Variants in PTPRD observed in about 807,000 individuals in gnomAD.
The protein encoded by PTPRD is protein tyrosine phosphatase receptor type D, also known as receptor-type tyrosine-protein phosphatase delta.
PTPRD carries 34 observed loss-of-function variants against 214.5 expected under a neutral mutation model. The ratio of observed to expected loss-of-function variants is 0.16; its 90% CI spans 0.12 to 0.21. PTPRD has a LOEUF of 0.21. Among genes scored for constraint, PTPRD ranks in the 10% least tolerant of loss-of-function variants. The pLI is 1.00. For missense variants in PTPRD, 2,545 were observed against 2,398.7 expected (o/e 1.06, Z -1.27); for synonymous variants, 1,128 against 845.7 (o/e 1.33, Z -5.79).
At chr9:8,347,248 A>G (rs2074103674) in intron 39 of PTPRD, among the ~76,000 whole-genome samples, 1 of 152,124 alleles carries the variant, frequency 6.6e-6, no homozygotes, top group Admixed American at 6.5e-5. Flanking sequence ...TTACCAGCAC[A>G]TATGACTATG....
intron 7 of PTPRD, among the ~76,000 whole-genome samples, chr9:9,730,904 CT>C (rs144462110): frequency 0.016 from 2,449 of 152,208 alleles, 35 homozygotes; most frequent in Middle Eastern, 0.027. Flanking sequence ...TTCAAATTCT[CT>C]TTGAGTGTAC....
chr9:10,241,772 A>C (rs1465600910), intron 3 of PTPRD, among the ~76,000 whole-genome samples: 1 of 151,942 alleles, frequency 6.6e-6, no homozygotes, highest in Non-Finnish European at 1.5e-5. Context: ...TGTGGGTATA[A>C]TTTCATAAAT....
intron 4 of PTPRD, among the ~76,000 whole-genome samples, chr9:10,022,430 T>C (rs2096841428): frequency 6.6e-6 from 1 of 150,730 alleles, no homozygotes; most frequent in South Asian, 2.1e-4. Flanking sequence ...GTTTGTTGAA[T>C]GAAAGCAACA....
At chr9:10,324,252 G>A (rs1597129138) in intron 3 of PTPRD, among the ~76,000 whole-genome samples, 2 of 151,994 alleles carry the variant, frequency 1.3e-5, no homozygotes, top group Admixed American at 1.3e-4. Flanking sequence ...TAGATGCTTT[G>A]ATAGCCCACC....
chr9:9,845,399 G>C (rs970163727), intron 5 of PTPRD, among the ~76,000 whole-genome samples: 8 of 151,556 alleles, frequency 5.3e-5, no homozygotes, highest in Admixed American at 2.0e-4. Flanking sequence ...TTGAAGGCAA[G>C]GACCACCAGG....
intron 8 of PTPRD, among the ~76,000 whole-genome samples, chr9:9,406,016 G>T (rs1267854637): frequency 6.6e-6 from 1 of 151,970 alleles, no homozygotes; most frequent in South Asian, 2.1e-4. Flanking sequence ...CATTAAAAAT[G>T]TATTATTTGG....
At chr9:10,046,952 T>C (rs1024703984) in intron 3 of PTPRD, among the ~76,000 whole-genome samples, 1 of 151,998 alleles carries the variant, frequency 6.6e-6, no homozygotes, top group Non-Finnish European at 1.5e-5. Flanking sequence ...AAATATTTTA[T>C]TGATAATAAG....
At chr9:9,074,782 G>A (rs1020019124) in intron 10 of PTPRD, among the ~76,000 whole-genome samples, 3 of 150,656 alleles carry the variant, frequency 2.0e-5, no homozygotes, top group African/African-American at 4.9e-5. Context: ...TGAGATGTAC[G>A]GTTTGCAAAT....
intron 10 of PTPRD, among the ~76,000 whole-genome samples, chr9:9,070,447 T>C (rs1569526736): frequency 6.6e-6 from 1 of 152,326 alleles, no homozygotes; most frequent in East Asian, 1.9e-4. Context: ...TCAAAGACTT[T>C]AAGTTGACCC....
intron 5 of PTPRD, among the ~76,000 whole-genome samples, chr9:9,880,850 AT>A (rs1413596363): frequency 1.3e-5 from 2 of 151,200 alleles, no homozygotes; most frequent in African/African-American, 2.4e-5. Context: ...CTGGTCATTT[AT>A]TTTTTTTTCC....
intron 12 of PTPRD, among the ~76,000 whole-genome samples, chr9:8,681,170 G>C: frequency 1.3e-5 from 2 of 152,132 alleles, no homozygotes; most frequent in South Asian, 4.1e-4. Context: ...CAGCTTCCCT[G>C]ATCAATCATC....
chr9:9,797,243 G>GTTTTTT lies in PTPRD; in HGVS notation c.-367-30398_-367-30393dup, dbSNP rs56375104. On this transcript the variant is annotated intron_variant, in intron 5 of 45. Coordinates refer to ENST00000381196, the MANE Select transcript of PTPRD (RefSeq NM_002839.4). ...ACCCTAGGTAGCAGAATTTCAGGCAGTTTTTTTTTTTTTTTTTTTTTTAAA... is the reference window on the plus strand; with the variant it reads ...ACCCTAGGTAGCAGAATTTCAGGCAGTTTTTTTTTTTTTTTTTTTTTTTTTTTTAAA... Among the ~76,000 whole-genome samples the GTTTTTT allele has an allele frequency of 2.4e-4, 24 of 98,050 alleles. 1 individual carries two copies. Among genetic ancestry groups the GTTTTTT allele is most frequent in the South Asian group, 1.5e-3 (4 of 2,754 alleles). 64.3% of individuals were successfully genotyped at this position (98,050 alleles called of 152,430 possible).
At chr9:9,613,215 T>TGAAGA (rs200233510) in intron 7 of PTPRD, among the ~76,000 whole-genome samples, 35,904 of 142,788 alleles carry the variant, frequency 0.25, 4,930 homozygotes, top group Non-Finnish European at 0.28. Context: ...TTGAAAACTG[T>TGAAGA]GAAATCATTT....
At chr9:9,575,749 AAGAAAGAAAAAG>A (rs2088415587) in intron 7 of PTPRD, among the ~76,000 whole-genome samples, 1 of 135,378 alleles carries the variant, frequency 7.4e-6, no homozygotes. Flanking sequence ...AAAAAAAAGA[AAGAAAGAAAAAG>A]AAAAAAAGAA....
intron 11 of PTPRD, among the ~76,000 whole-genome samples, chr9:8,922,496 A>T (rs2098834620): frequency 6.6e-6 from 1 of 152,240 alleles, no homozygotes; most frequent in South Asian, 2.1e-4. Context: ...AACAATAGTC[A>T]TAATAACATT....
chr9:8,385,536 G>C (rs2086680601), intron 37 of PTPRD, among the ~76,000 whole-genome samples: 1 of 152,050 alleles, frequency 6.6e-6, no homozygotes, highest in South Asian at 2.1e-4. Flanking sequence ...AAAAACGAGT[G>C]AACCAGGCTG....
intron 7 of PTPRD, among the ~76,000 whole-genome samples, chr9:9,594,237 C>G (rs983272517): frequency 3.3e-5 from 5 of 151,982 alleles, no homozygotes; most frequent in Non-Finnish European, 5.9e-5. Flanking sequence ...ATACACATGC[C>G]AATTCTATAG....
At chr9:10,318,136 T>C (rs1452894852) in intron 3 of PTPRD, among the ~76,000 whole-genome samples, 1 of 152,060 alleles carries the variant, frequency 6.6e-6, no homozygotes. Flanking sequence ...GTCATGACTA[T>C]TGCAATATGG....
chr9:10,039,901 A>G (rs1379477604), intron 3 of PTPRD, among the ~76,000 whole-genome samples: 1 of 152,102 alleles, frequency 6.6e-6, no homozygotes, highest in African/African-American at 2.4e-5. Flanking sequence ...CTATGATTTA[A>G]AATTTGAGCT....
Sources: gnomAD v4.1 joint callset for allele counts (sites outside exome capture counted in the v4.1 genomes callset) on GRCh38, gnomAD v4.1.1 for gene constraint, MANE v1.5 for transcripts, NCBI Gene and HGNC (gene_info 2026-07-23, HGNC 2026-07-21) for gene names.